The following PTPRK variants were observed in gnomAD, a reference collection of about 807,000 sequenced individuals.
PTPRK encodes protein tyrosine phosphatase receptor type K, also known as receptor-type tyrosine-protein phosphatase kappa.
A neutral mutation model predicts 178.0 loss-of-function variants in PTPRK; 75 were observed. That is an observed-to-expected ratio of 0.42 (90% confidence interval 0.35 to 0.51). The LOEUF (loss-of-function observed/expected upper bound fraction) is 0.51. Among genes scored for constraint, PTPRK ranks in the 20% least tolerant of loss-of-function variants. PTPRK has a pLI of 0.02. For synonymous variants in PTPRK, 637 were observed against 620.6 expected (o/e 1.03, Z -0.39); for missense variants, 1,441 against 1,797.8 (o/e 0.80, Z 3.59).
chr6:128,167,423 T>G (rs1431762210), intron 7 of PTPRK, among the ~76,000 whole-genome samples: 1 of 151,962 alleles, frequency 6.6e-6, no homozygotes, highest in South Asian at 2.1e-4. Flanking sequence ...ATAAAATTGT[T>G]TTCTTATATA....
chr6:128,458,460 TAAGAA>T lies in PTPRK; in HGVS notation c.101-60777_101-60773del, dbSNP rs1848651688. On this transcript the variant is annotated intron_variant, in intron 1 of 29. Transcript: ENST00000368226. Reference sequence around the variant, plus strand: ...ACACTAAAAAATTTAAAATATACTCTAAGAAGAGTATAAACTACACATTTGTATAA... The same window carrying T: ...ACACTAAAAAATTTAAAATATACTCTGAGTATAAACTACACATTTGTATAA... Among the ~76,000 whole-genome samples, 3 of 152,300 alleles carry T rather than the reference TAAGAA, an allele frequency of 2.0e-5. No homozygotes were observed. In the South Asian group the frequency reaches 6.2e-4, roughly 32 times the overall value.
intron 1 of PTPRK, among the ~76,000 whole-genome samples, chr6:128,478,825 A>T (rs1221621414): frequency 6.6e-6 from 1 of 152,140 alleles, no homozygotes; most frequent in African/African-American, 2.4e-5. Flanking sequence ...TTAGGTTAAG[A>T]TATATTGCTA....
chr6:127,970,874 GT>G (rs1773822356), intron 29 of PTPRK, among the ~76,000 whole-genome samples: 1 of 151,184 alleles, frequency 6.6e-6, no homozygotes, highest in Admixed American at 6.6e-5. Flanking sequence ...TGACTATTAA[GT>G]TGCTTTTATT....
At chr6:128,241,729 G>A (rs959374248) in intron 4 of PTPRK, among the ~76,000 whole-genome samples, 20 of 151,766 alleles carry the variant, frequency 1.3e-4, no homozygotes, top group African/African-American at 4.8e-4. Flanking sequence ...TGCCTCTAAG[G>A]GCATAACAAA....
intron 15 of PTPRK, chr6:128,003,250 T>C: frequency 6.3e-7 from 1 of 1,598,452 alleles, no homozygotes; most frequent in Non-Finnish European, 8.5e-7. Flanking sequence ...AAAACAAAGC[T>C]CATGAAGGAA....
chr6:127,985,328 T>C (rs1222608165), intron 22 of PTPRK, among the ~76,000 whole-genome samples: 1 of 152,200 alleles, frequency 6.6e-6, no homozygotes, highest in African/African-American at 2.4e-5. Context: ...AGTAACTCTG[T>C]ATGTCTGAAA....
At chr6:128,332,849 A>T (rs1830452887) in intron 2 of PTPRK, among the ~76,000 whole-genome samples, 1 of 152,130 alleles carries the variant, frequency 6.6e-6, no homozygotes. Context: ...TTGTTGCCTC[A>T]ACGCCCACTC....
Position 128,048,422 on chromosome 6 carries a change from G to C in PTPRK, c.2194+16336C>G, listed in dbSNP as rs139350692. On this transcript the variant is annotated intron_variant, in intron 13 of 29. Coordinates refer to ENST00000368226, the MANE Select transcript of PTPRK (RefSeq NM_002844.4). ...AAGGAAAAATTCTCCTCAAGGTTCCGCATATGTTCCCTCTGCCTCTAATGC... is the reference window on the plus strand; with the variant it reads ...AAGGAAAAATTCTCCTCAAGGTTCCCCATATGTTCCCTCTGCCTCTAATGC... Among the ~76,000 whole-genome samples, 1,284 of 152,212 alleles carry C rather than the reference G, an allele frequency of 8.4e-3. 13 individuals are homozygous for C. Among genetic ancestry groups the C allele is most frequent in the Admixed American group, 0.016 (237 of 15,270 alleles).
chr6:128,435,319 G>T (rs956604269), intron 1 of PTPRK, among the ~76,000 whole-genome samples: 10 of 152,144 alleles, frequency 6.6e-5, no homozygotes, highest in African/African-American at 2.4e-4. Context: ...ATCTTAGTTT[G>T]CAATGGACAT....
rs375286901 is a variant in PTPRK at position 128,238,721 on chromosome 6, A to G, written c.693+1314T>C. 3.9e-5 allele frequency among the ~76,000 whole-genome samples: 6 copies of G among 152,350 alleles called. No homozygotes were observed. In the South Asian group the frequency reaches 8.3e-4, roughly 21 times the overall value. Reference sequence around the variant, plus strand: ...TAAAACAGGTTGCACATTATACAACATGCTTTCCAGGAAAAATTATCCTAT... The same window carrying G: ...TAAAACAGGTTGCACATTATACAACGTGCTTTCCAGGAAAAATTATCCTAT... On this transcript the variant is annotated intron_variant, in intron 5 of 29. Coordinates refer to ENST00000368226, the MANE Select transcript of PTPRK (RefSeq NM_002844.4).
chr6:128,372,117 A>C (rs1836385301), intron 2 of PTPRK, among the ~76,000 whole-genome samples: 1 of 152,186 alleles, frequency 6.6e-6, no homozygotes, highest in Non-Finnish European at 1.5e-5. Flanking sequence ...TCTCACATCA[A>C]CTTAGTGATT....
chr6:128,248,715 G>T (rs1269780788), intron 3 of PTPRK, among the ~76,000 whole-genome samples: 2 of 152,136 alleles, frequency 1.3e-5, no homozygotes, highest in African/African-American at 4.8e-5. Flanking sequence ...GAAGAACACA[G>T]TGAAAGCACA....
intron 2 of PTPRK, among the ~76,000 whole-genome samples, chr6:128,396,634 ACT>A (rs1160592284): frequency 1.3e-5 from 2 of 152,158 alleles, no homozygotes; most frequent in Non-Finnish European, 2.9e-5. Context: ...CATAATGCAC[ACT>A]GTTTTAAACA....
intron 10 of PTPRK, among the ~76,000 whole-genome samples, chr6:128,080,903 T>C (rs539715198): frequency 1.3e-5 from 2 of 152,144 alleles, no homozygotes; most frequent in South Asian, 2.1e-4. Context: ...CTTAGGTTAA[T>C]ACAAGTAAAA....
At chr6:128,462,625 T>TTTTATTTA (rs201968289) in intron 1 of PTPRK, among the ~76,000 whole-genome samples, 1,458 of 143,000 alleles carry the variant, frequency 0.01, 15 homozygotes, top group Middle Eastern at 0.014. Flanking sequence ...AGTAGGTATA[T>TTTTATTTA]TTTATTTATT....
At chr6:128,277,425 C>T (rs1820897510) in intron 3 of PTPRK, among the ~76,000 whole-genome samples, 1 of 152,132 alleles carries the variant, frequency 6.6e-6, no homozygotes, top group Non-Finnish European at 1.5e-5. Flanking sequence ...AGGGAACAGG[C>T]ATGCAAGAGC....
intron 3 of PTPRK, among the ~76,000 whole-genome samples, chr6:128,314,230 G>A (rs563505307): frequency 1.3e-5 from 2 of 152,182 alleles, no homozygotes; most frequent in African/African-American, 4.8e-5. Flanking sequence ...AGCACTTGTT[G>A]TATTCTAATC....
chr6:128,394,997 GTT>G (rs1366868579), intron 2 of PTPRK, among the ~76,000 whole-genome samples: 2 of 151,972 alleles, frequency 1.3e-5, no homozygotes, highest in African/African-American at 2.4e-5. Context: ...GGGGTTTTTT[GTT>G]TGTTTTGTTT....
chr6:128,470,749 C>CTT (rs11361160), intron 1 of PTPRK, among the ~76,000 whole-genome samples: 13 of 114,206 alleles, frequency 1.1e-4, no homozygotes, highest in Non-Finnish European at 1.8e-4. Flanking sequence ...ATATCTCTCT[C>CTT]TTTTTTTTTT....
Sources: gnomAD v4.1 joint callset for allele counts (sites outside exome capture counted in the v4.1 genomes callset) on GRCh38, gnomAD v4.1.1 for gene constraint, MANE v1.5 for transcripts, NCBI Gene and HGNC (gene_info 2026-07-23, HGNC 2026-07-21) for gene names.